The following MSANTD3 variants were observed in gnomAD, a reference collection of about 807,000 sequenced individuals.
The protein encoded by MSANTD3 is Myb/SANT DNA binding domain containing 3.
Under a neutral mutation model 27.7 loss-of-function variants are expected in MSANTD3, and 11 were observed. The ratio of observed to expected loss-of-function variants is 0.40; its 90% CI spans 0.25 to 0.66. The LOEUF (loss-of-function observed/expected upper bound fraction) is 0.66, where lower values mean the gene tolerates loss of function less well. MSANTD3 is among the 30% of genes least tolerant of loss of function. MSANTD3 has a pLI of 0.41. For synonymous variants in MSANTD3, 131 were observed against 127.2 expected (o/e 1.03, Z -0.20); for missense variants, 250 against 336.5 (o/e 0.74, Z 2.01).
chr9:100,442,227 G>A lies in MSANTD3; in HGVS notation c.289G>A (p.Val97Ile), dbSNP rs866386578. 6.2e-6 allele frequency: 10 copies of A among 1,614,056 alleles called. No individual in the cohort carries two copies. Among genetic ancestry groups the A allele is most frequent in the Admixed American group, 3.3e-5 (2 of 60,008 alleles). Residue 97 changes from valine (V) to isoleucine (I), a missense_variant, in exon 2 of 3, where the codon GTC becomes ATC. Around this residue, in one of 3 missense-constraint regions of MSANTD3, gnomAD observed 235 missense variants for 299.3 expected, o/e 0.79. Transcript: ENST00000395067. ...HERREKVKRS[V>I]SPLLSTHVLG... is the part of the protein sequence containing the mutation. ...AAGGAGAGAGAAAGTGAAACGGAGC[G>A]TCAGCCCTCTCCTGAGTACCCACGT...
intron 2 of MSANTD3, among the ~76,000 whole-genome samples, chr9:100,449,749 G>T (rs1448448355): frequency 2.6e-5 from 4 of 152,282 alleles, no homozygotes; most frequent in Non-Finnish European, 5.9e-5. Flanking sequence ...CAGAGCCACA[G>T]ATGGGAATCC....
At chr9:100,438,248 AAAAC>A (rs1213336357) in intron 1 of MSANTD3, among the ~76,000 whole-genome samples, 1 of 152,246 alleles carries the variant, frequency 6.6e-6, no homozygotes, top group East Asian at 1.9e-4. Flanking sequence ...ACAGAATAAA[AAAAC>A]AAAATAGGGA....
intron 1 of MSANTD3, among the ~76,000 whole-genome samples, chr9:100,433,254 CCTT>C (rs1462705157): frequency 6.6e-6 from 1 of 152,014 alleles, no homozygotes; most frequent in African/African-American, 2.4e-5. Flanking sequence ...AGATTGAGGT[CCTT>C]CTTTAAATTT....
Position 100,442,031 on chromosome 9 carries a change from G to A in MSANTD3, c.93G>A (p.Val31=), listed in dbSNP as rs759041685. 1 of 1,614,214 alleles carries A rather than the reference G, an allele frequency of 6.2e-7. No individual in the cohort carries two copies. Among genetic ancestry groups the A allele is most frequent in the East Asian group, 2.2e-5 (1 of 44,888 alleles). The change falls in exon 2 of 3, where the codon GTG becomes GTA. Residue 31 remains valine (V), a synonymous_variant. Coordinates refer to ENST00000395067, the MANE Select transcript of MSANTD3 (RefSeq NM_080655.3). The stretch of plus-strand genomic sequence containing the variant: ...CTTTAGTAGAAAAGTATAAATATGT[G>A]CTGGAATGTAAGAAAAGTGATGCGC... ...LLALVEKYKY[V]LECKKSDART... is the part of the protein sequence containing the mutation.
chr9:100,450,918 G>T lies in MSANTD3; in HGVS notation c.780G>T (p.Lys260Asn). The part of the protein sequence containing the change: ...YWERKLQTFT[K>N]EWPVSSFNRP... ...AAAGAAAACTACAAACTTTTACCAA[G>T]GAATGGCCTGTTTCCTCATTTAACC... The change falls in exon 3 of 3, where the codon AAG becomes AAT. Residue 260 changes from lysine (K) to asparagine (N), a missense_variant. Physicochemically the swap from Lys to Asn is moderately conservative, Grantham distance 94. This residue lies in a region of MSANTD3 where 235 missense variants were observed against 299.3 expected (regional missense o/e 0.79). Transcript: ENST00000395067. 6.2e-7 allele frequency: 1 copy of T among 1,610,796 alleles called. No individual in the cohort carries two copies. The highest frequency in any genetic ancestry group is 8.5e-7 in the Non-Finnish European group (1 of 1,179,012).
At chr9:100,449,959 A>C (rs978019438) in intron 2 of MSANTD3, among the ~76,000 whole-genome samples, 46 of 152,298 alleles carry the variant, frequency 3.0e-4, no homozygotes, top group African/African-American at 1.0e-3. Context: ...AAACTCCCCA[A>C]ATGGCAGTGC....
chr9:100,450,717 A>G lies in MSANTD3; in HGVS notation c.579A>G (p.Leu193=). 6.2e-7 allele frequency: 1 copy of G among 1,614,128 alleles called. No individual in the cohort carries two copies. The highest frequency in any genetic ancestry group is 8.5e-7 in the Non-Finnish European group (1 of 1,180,000). ...GCAAAACCTCTCAGGAAGGTGCTTT[A>G]AAAAAGATGCATGAGGAAGAACACC... ...YRSKTSQEGA[L]KKMHEEEHHQ... Residue 193 remains leucine, a synonymous_variant, in exon 3 of 3, where the codon TTA becomes TTG. Coordinates refer to ENST00000395067, the MANE Select transcript of MSANTD3 (RefSeq NM_080655.3).
At chr9:100,440,590 A>ATTTTT (rs71370998) in intron 1 of MSANTD3, among the ~76,000 whole-genome samples, 1 of 135,288 alleles carries the variant, frequency 7.4e-6, no homozygotes, top group Non-Finnish European at 1.6e-5. Context: ...AAAACGTCAA[A>ATTTTT]TTTTTTTTTT....
At chr9:100,448,407 C>T (rs1027965886) in intron 2 of MSANTD3, 17 of 985,256 alleles carry the variant, frequency 1.7e-5, no homozygotes, top group Non-Finnish European at 2.0e-5. Context: ...AGAAAGGAAA[C>T]AGGTGAGGTA....
intron 1 of MSANTD3, among the ~76,000 whole-genome samples, chr9:100,434,779 G>A (rs113032039): frequency 1.3e-5 from 2 of 152,048 alleles, no homozygotes; most frequent in East Asian, 1.9e-4. Context: ...CTGTTTCAGC[G>A]TGCCTCTCAT....
At chr9:100,443,384 A>C (rs1163839921) in intron 2 of MSANTD3, among the ~76,000 whole-genome samples, 1 of 150,790 alleles carries the variant, frequency 6.6e-6, no homozygotes, top group African/African-American at 2.4e-5. Context: ...AGGCAACAAG[A>C]GCAAAACTCC....
At chr9:100,438,842 C>T (rs551080207) in intron 1 of MSANTD3, among the ~76,000 whole-genome samples, 1 of 152,130 alleles carries the variant, frequency 6.6e-6, no homozygotes, top group Non-Finnish European at 1.5e-5. Flanking sequence ...TAATTTGGGA[C>T]CTTTGAGGAA....
rs1195034006 is a variant in MSANTD3, at chr9:100,427,213, C to A, written c.-214C>A. On this transcript the variant is annotated 5_prime_UTR_variant, in exon 1 of 3. Coordinates refer to ENST00000395067, the MANE Select transcript of MSANTD3 (RefSeq NM_080655.3). ...GGGCGGCGGCGTCCGGGCTTTGTGG[C>A]CGCGGCGCGCGCGGCGGGGCCTGGC... 6.9e-6 allele frequency: 1 copy of A among 145,724 alleles called. No individual in the cohort carries two copies. The highest frequency in any genetic ancestry group is 1.5e-5 in the Non-Finnish European group (1 of 65,662). 9.0% of individuals were successfully genotyped at this position (145,724 alleles called of 1,614,324 possible).
chr9:100,436,910 T>C (rs1277756250), intron 1 of MSANTD3, among the ~76,000 whole-genome samples: 1 of 152,150 alleles, frequency 6.6e-6, no homozygotes, highest in African/African-American at 2.4e-5. Context: ...GTTCAAATGA[T>C]TCTCCTGCCT....
chr9:100,451,391 T>C lies in MSANTD3; in HGVS notation c.*425T>C, dbSNP rs1260570557. The C allele has an allele frequency of 6.4e-6, 1 of 156,224 alleles. No homozygotes were observed. Among genetic ancestry groups the C allele is most frequent in the East Asian group, 1.9e-4 (1 of 5,246 alleles). The allele number at this position is 156,224 out of a possible 1,614,324, so 9.7% of individuals were successfully genotyped here. A position where few individuals can be genotyped will look rare whatever the true frequency, so the allele number is the denominator to read the frequency against. On this transcript the variant is annotated 3_prime_UTR_variant, in exon 3 of 3. Coordinates refer to ENST00000395067, the MANE Select transcript of MSANTD3 (RefSeq NM_080655.3). The stretch of plus-strand genomic sequence containing the variant: ...GCCGTCCCATGGAAAGTGGCTGTCC[T>C]GGGAGGCTACACGTTTCTCCAATGG...
At chr9:100,448,595 TG>T (rs1309938107) in intron 2 of MSANTD3, 1 of 985,296 alleles carries the variant, frequency 1.0e-6, no homozygotes, top group African/African-American at 1.7e-5. Flanking sequence ...ATTTCTTACA[TG>T]CCCAGCACTA....
intron 1 of MSANTD3, among the ~76,000 whole-genome samples, chr9:100,441,512 A>C (rs1395957507): frequency 1.3e-5 from 2 of 151,968 alleles, no homozygotes; most frequent in East Asian, 3.9e-4. Context: ...GGTGACAGGC[A>C]CCTGTAATCC....
chr9:100,442,241 G>A lies in MSANTD3; in HGVS notation c.303G>A (p.Leu101=), dbSNP rs200107597. The A allele has an allele frequency of 1.7e-5, 27 of 1,614,152 alleles. No individual in the cohort carries two copies. The East Asian group carries it at 5.1e-4, about 31-fold the overall frequency. ...TGAAACGGAGCGTCAGCCCTCTCCT[G>A]AGTACCCACGTCCTAGGGAAGGAGA... ...EKVKRSVSPL[L]STHVLGKEKI... Residue 101 remains leucine (L), a synonymous_variant, in exon 2 of 3, where the codon CTG becomes CTA. Transcript: ENST00000395067.
Position 100,442,175 on chromosome 9 carries a change from T to A in MSANTD3, c.237T>A (p.Ala79=), listed in dbSNP as rs775188925. ...QLKKCWENIK[A]RTKKIMAHER... is the part of the protein sequence containing the mutation. ...AGAAGTGCTGGGAGAACATCAAGGCTCGGACCAAAAAAATTATGGCCCATG... is the reference window on the plus strand; with the variant it reads ...AGAAGTGCTGGGAGAACATCAAGGCACGGACCAAAAAAATTATGGCCCATG... The change falls in exon 2 of 3, where the codon GCT becomes GCA. Residue 79 remains alanine (A), a synonymous_variant. Transcript: ENST00000395067. The A allele has an allele frequency of 6.2e-7, 1 of 1,614,052 alleles. No individual in the cohort carries two copies. Among genetic ancestry groups the A allele is most frequent in the Non-Finnish European group, 8.5e-7 (1 of 1,180,016 alleles).
Sources: allele counts gnomAD v4.1 joint callset (sites outside exome capture counted in the v4.1 genomes callset), GRCh38; gene constraint gnomAD v4.1.1; regional missense constraint gnomAD v4.1.1; transcripts MANE v1.5; gene names NCBI Gene and HGNC (gene_info 2026-07-23, HGNC 2026-07-21).